Variants in TCF12 observed in about 807,000 individuals in gnomAD.
TCF12 encodes the protein transcription factor 12, also known as DNA-binding protein HTF4.
TCF12 carries 45 observed loss-of-function variants against 86.0 expected under a neutral mutation model. That is an observed-to-expected ratio of 0.52 (90% CI 0.41 to 0.67). The LOEUF is 0.67. Among genes scored for constraint, TCF12 ranks in the 30% least tolerant of loss-of-function variants. The pLI is 0.00. For missense variants in TCF12, 881 were observed against 859.9 expected (o/e 1.02, Z -0.31); for synonymous variants, 330 against 299.6 (o/e 1.10, Z -1.05).
chr15:57,110,480 A>G (rs2050411351), intron 5 of TCF12, among the ~76,000 whole-genome samples: 1 of 152,208 alleles, frequency 6.6e-6, no homozygotes, highest in Non-Finnish European at 1.5e-5. Flanking sequence ...ATGCTTTGCC[A>G]GTTGAGAAAC....
intron 3 of TCF12, among the ~76,000 whole-genome samples, chr15:57,001,805 G>T (rs182362155): frequency 3.4e-4 from 51 of 152,206 alleles, no homozygotes; most frequent in Admixed American, 1.3e-3. Flanking sequence ...TGCTTCCATT[G>T]TTTATTCTAG....
chr15:57,216,329 T>G (rs1163011435), intron 8 of TCF12, among the ~76,000 whole-genome samples: 1 of 152,138 alleles, frequency 6.6e-6, no homozygotes, highest in Non-Finnish European at 1.5e-5. Flanking sequence ...TGGTGATTTT[T>G]TTATATTGTT....
At chr15:57,114,168 A>G (rs1051773640) in intron 5 of TCF12, among the ~76,000 whole-genome samples, 3 of 152,158 alleles carry the variant, frequency 2.0e-5, no homozygotes, top group African/African-American at 7.2e-5. Flanking sequence ...ACTCTTTGAA[A>G]TAGGAGCATA....
chr15:56,976,011 T>C (rs1174143412), intron 3 of TCF12, among the ~76,000 whole-genome samples: 1 of 151,918 alleles, frequency 6.6e-6, no homozygotes, highest in Admixed American at 6.6e-5. Context: ...ATAAAGATGA[T>C]ATTTGCAATG....
chr15:56,968,149 A>AT (rs1220377093), intron 3 of TCF12, among the ~76,000 whole-genome samples: 5 of 151,592 alleles, frequency 3.3e-5, no homozygotes, highest in Non-Finnish European at 5.9e-5. Flanking sequence ...TAGAGATGGG[A>AT]TTTTGCCATG....
At chr15:57,012,686 T>C (rs1171377430) in intron 3 of TCF12, among the ~76,000 whole-genome samples, 1 of 152,226 alleles carries the variant, frequency 6.6e-6, no homozygotes, top group African/African-American at 2.4e-5. Flanking sequence ...TCAGCTGGAC[T>C]TCAATTTCTA....
intron 3 of TCF12, among the ~76,000 whole-genome samples, chr15:57,021,902 G>A (rs1317691892): frequency 5.3e-5 from 8 of 152,036 alleles, no homozygotes; most frequent in South Asian, 2.1e-4. Context: ...ATCAGTCCCC[G>A]GCTTGTACTG....
intron 16 of TCF12, among the ~76,000 whole-genome samples, chr15:57,256,554 A>ACCCCCT (rs2060356764): frequency 1.8e-5 from 1 of 56,378 alleles, no homozygotes; most frequent in Non-Finnish European, 3.7e-5. Flanking sequence ...CCCCACCCCC[A>ACCCCCT]CCCCCACCCC....
chr15:57,056,806 CT>C (rs113348374), intron 3 of TCF12, among the ~76,000 whole-genome samples: 50,709 of 142,116 alleles, frequency 0.36, 9,003 homozygotes, highest in Admixed American at 0.49. Flanking sequence ...GAGATTTTCA[CT>C]TTTTTTTTTT....
chr15:57,119,601 G>A (rs1476463464), intron 5 of TCF12, among the ~76,000 whole-genome samples: 3 of 151,284 alleles, frequency 2.0e-5, no homozygotes, highest in African/African-American at 7.3e-5. Flanking sequence ...ACAAAATTAA[G>A]AAATAGAGTC....
At chr15:57,091,723 C>A in intron 4 of TCF12, 66 bp from the exon 5 acceptor site, 2 of 1,168,216 alleles carry the variant, frequency 1.7e-6, no homozygotes, top group Non-Finnish European at 2.5e-6. Flanking sequence ...AGGTGAGTGT[C>A]ATTATGCTCA....
At chr15:57,249,744 CAAATT>C (rs778739545) in intron 13 of TCF12, among the ~76,000 whole-genome samples, 1 of 152,248 alleles carries the variant, frequency 6.6e-6, no homozygotes. Flanking sequence ...TAGTGTGAGA[CAAATT>C]AAACCTTCAA....
chr15:57,166,053 G>A (rs548857635), intron 5 of TCF12, among the ~76,000 whole-genome samples: 1 of 152,072 alleles, frequency 6.6e-6, no homozygotes, highest in East Asian at 1.9e-4. Flanking sequence ...TCAGCCTCCT[G>A]AGTAGCTGGG....
chr15:56,980,972 G>T (rs1433073292), intron 3 of TCF12, among the ~76,000 whole-genome samples: 1 of 152,190 alleles, frequency 6.6e-6, no homozygotes, highest in Non-Finnish European at 1.5e-5. Context: ...ATTTATGGAA[G>T]ATTAGGTAAT....
chr15:56,981,656 A>G (rs1363366880), intron 3 of TCF12, among the ~76,000 whole-genome samples: 2 of 152,194 alleles, frequency 1.3e-5, no homozygotes, highest in Non-Finnish European at 2.9e-5. Flanking sequence ...AAATCTCTGT[A>G]TATAACTTTT....
chr15:57,063,744 T>A lies in TCF12; in HGVS notation c.149-6T>A, dbSNP rs2068635743. ...AGATATATCTTTTATTTTCTTCTCT[T>A]TTTAGGTATTGATGAAAGAGGAGGT... On this transcript the variant is annotated splice_polypyrimidine_tract_variant and splice_region_variant and intron_variant, in intron 3 of 20. Transcript: ENST00000333725. 1 of 1,598,486 alleles carries A rather than the reference T, an allele frequency of 6.3e-7. No individual in the cohort carries two copies. Among genetic ancestry groups the A allele is most frequent in the South Asian group, 1.1e-5 (1 of 89,332 alleles).
chr15:57,131,596 T>A (rs960470696), intron 5 of TCF12, among the ~76,000 whole-genome samples: 11 of 152,196 alleles, frequency 7.2e-5, no homozygotes, highest in African/African-American at 2.7e-4. Context: ...TGACCACTTA[T>A]AACAATAAGT....
At chr15:56,943,644 T>C (rs2060876170) in intron 3 of TCF12, among the ~76,000 whole-genome samples, 1 of 152,192 alleles carries the variant, frequency 6.6e-6, no homozygotes, top group African/African-American at 2.4e-5. Flanking sequence ...TCAAAGCTGA[T>C]CCATGAAATA....
rs181102017 is a variant in TCF12 at position 56,918,715 on chromosome 15, G to C, written c.-214G>C. 5.7e-3 allele frequency: 949 copies of C among 167,130 alleles called. 31 individuals carry two copies. The highest frequency in any genetic ancestry group is 0.051 in the Admixed American group (856 of 16,942). 10.4% of individuals were successfully genotyped at this position (167,130 alleles called of 1,614,324 possible). A position where few individuals can be genotyped will look rare whatever the true frequency, so the allele number is the denominator to read the frequency against. On this transcript the variant is annotated 5_prime_UTR_variant, in exon 1 of 21. Transcript: ENST00000333725. The stretch of plus-strand genomic sequence containing the variant: ...CTGAAGAGACCCACAAGTTCTATTC[G>C]GGGGGACCGACAGCCCGCCCCGGGA...
Sources: allele counts gnomAD v4.1 joint callset (sites outside exome capture counted in the v4.1 genomes callset), GRCh38; gene constraint gnomAD v4.1.1; transcripts MANE v1.5; gene names NCBI Gene and HGNC (gene_info 2026-07-23, HGNC 2026-07-21).